C9orf85: variants seen among roughly 807,000 people sequenced by gnomAD.
C9orf85 encodes chromosome 9 open reading frame 85.
In C9orf85, 16 loss-of-function variants were observed where a neutral mutation model predicts 14.9. The ratio of observed to expected loss-of-function variants is 1.08; its 90% CI spans 0.73 to 1.63. The LOEUF (loss-of-function observed/expected upper bound fraction) is 1.63, where lower values mean the gene tolerates loss of function less well. C9orf85 is among the 40% of genes most tolerant of loss of function. The pLI is 0.00. For missense variants in C9orf85, 172 were observed against 186.1 expected, an observed-to-expected ratio of 0.92 and a Z score of 0.44; for synonymous variants, 45 against 56.8, an observed-to-expected ratio of 0.79 and a Z score of 0.93.
chr9:71,956,845 C>G (rs1211357882), intron 2 of C9orf85, among the ~76,000 whole-genome samples: 1 of 150,938 alleles, frequency 6.6e-6, no homozygotes, highest in Non-Finnish European at 1.5e-5. Context: ...CTCATATTTT[C>G]TAAAGAGAAA....
chr9:71,957,156 A>G (rs550769603), intron 2 of C9orf85, among the ~76,000 whole-genome samples: 36 of 152,320 alleles, frequency 2.4e-4, no homozygotes, highest in African/African-American at 6.7e-4. Flanking sequence ...TTAAACTAAC[A>G]TAGCAATGTG....
chr9:71,982,656 G>C lies in C9orf85; in HGVS notation c.324-1G>C, dbSNP rs138253217. On this transcript the variant is annotated splice_acceptor_variant, in intron 3 of 3. Transcript: ENST00000377031. LOFTEE classifies it high-confidence loss of function. ...TCTTTTTTTTTTTTTTTTTTTTTCAGATGGAGTCTCCCTCTGTTGCCCAGG... is the reference window on the plus strand; with the variant it reads ...TCTTTTTTTTTTTTTTTTTTTTTCACATGGAGTCTCCCTCTGTTGCCCAGG... 1 of 301,318 alleles carries C rather than the reference G, an allele frequency of 3.3e-6. No individual in the cohort carries two copies. The highest frequency in any genetic ancestry group is 6.0e-6 in the Non-Finnish European group (1 of 167,236). 18.7% of individuals were successfully genotyped at this position (301,318 alleles called of 1,614,324 possible).
At chr9:71,940,369 G>A (rs2132294087) in intron 1 of C9orf85, among the ~76,000 whole-genome samples, 1 of 152,256 alleles carries the variant, frequency 6.6e-6, no homozygotes, top group South Asian at 2.1e-4. Context: ...GGGAATTTAA[G>A]GTTGCAGTGA....
chr9:71,976,587 G>A (rs1208217872), downstream of C9orf85, among the ~76,000 whole-genome samples: 6 of 151,868 alleles, frequency 4.0e-5, no homozygotes, highest in East Asian at 1.9e-4. Flanking sequence ...GCATGAACCC[G>A]GGAGGCGGAG....
chr9:71,940,569 G>T (rs1028366845), intron 1 of C9orf85, among the ~76,000 whole-genome samples: 1 of 152,162 alleles, frequency 6.6e-6, no homozygotes, highest in Non-Finnish European at 1.5e-5. Flanking sequence ...AATGGCTAAA[G>T]TAAGAAATAA....
chr9:71,936,756 G>T (rs1363364995), intron 1 of C9orf85, among the ~76,000 whole-genome samples: 3 of 142,882 alleles, frequency 2.1e-5, no homozygotes, highest in African/African-American at 7.7e-5. Flanking sequence ...TCATACTAGA[G>T]TTCTTTGTTC....
intron 2 of C9orf85, among the ~76,000 whole-genome samples, chr9:71,949,523 G>GA (rs1227402579): frequency 6.6e-6 from 1 of 152,038 alleles, no homozygotes; most frequent in South Asian, 2.1e-4. Flanking sequence ...TGTAGAGGAG[G>GA]AAAAAAGTCC....
intron 3 of C9orf85, among the ~76,000 whole-genome samples, chr9:71,971,937 G>GCA (rs1822882108): frequency 7.2e-6 from 1 of 138,254 alleles, no homozygotes; most frequent in South Asian, 2.2e-4. Context: ...TGGTGCCACT[G>GCA]CACTCCAGCC....
intron 2 of C9orf85, among the ~76,000 whole-genome samples, chr9:71,969,383 C>A (rs1822796829): frequency 6.6e-6 from 1 of 152,068 alleles, no homozygotes; most frequent in Non-Finnish European, 1.5e-5. Context: ...CTCAAGTGAT[C>A]CACCTGCCTC....
chr9:71,981,525 C>G (rs1296629063), intron 3 of C9orf85, among the ~76,000 whole-genome samples: 2 of 152,174 alleles, frequency 1.3e-5, no homozygotes, highest in Non-Finnish European at 2.9e-5. Context: ...AGTCACTGTC[C>G]CTTGAGTGAG....
intron 2 of C9orf85, among the ~76,000 whole-genome samples, chr9:71,948,820 C>G (rs903898940): frequency 4.7e-5 from 7 of 148,506 alleles, no homozygotes; most frequent in East Asian, 2.0e-4. Flanking sequence ...CACGCCCCCC[C>G]CCCCCCCTTT....
chr9:71,977,017 C>T (rs1823015633), downstream of C9orf85, among the ~76,000 whole-genome samples: 1 of 152,090 alleles, frequency 6.6e-6, no homozygotes, highest in Non-Finnish European at 1.5e-5. Flanking sequence ...AGCATGATGT[C>T]TAGAGCTTGC....
downstream of C9orf85, chr9:71,985,809 G>C (rs945938600): frequency 6.6e-6 from 1 of 152,196 alleles, no homozygotes; most frequent in Non-Finnish European, 1.5e-5. Context: ...CAAGCCACTA[G>C]GTGTTGCTAT....
At chr9:71,945,742 A>G (rs1232068787) in intron 1 of C9orf85, among the ~76,000 whole-genome samples, 4 of 152,214 alleles carry the variant, frequency 2.6e-5, no homozygotes, top group Non-Finnish European at 4.4e-5. Flanking sequence ...CTTAATATCT[A>G]ATAGCCTCCC....
At chr9:71,924,194 T>C (rs1055788774) in intron 1 of C9orf85, among the ~76,000 whole-genome samples, 1 of 152,208 alleles carries the variant, frequency 6.6e-6, no homozygotes. Context: ...CAAGTGAACT[T>C]AGACTTTCCC....
chr9:71,961,931 G>A (rs1054011180), intron 2 of C9orf85, among the ~76,000 whole-genome samples: 8 of 152,162 alleles, frequency 5.3e-5, no homozygotes, highest in Admixed American at 1.3e-4. Context: ...TTGGGAGGCC[G>A]AGGCTGGAGG....
At position 71,969,706 on chromosome 9, in the gene C9orf85, G is replaced by A. The variant is rs549862354; in HGVS notation, c.210-1799G>A. 3.3e-5 allele frequency among the ~76,000 whole-genome samples: 5 copies of A among 152,172 alleles called. No individual in the cohort carries two copies. In the South Asian group the frequency reaches 8.3e-4, roughly 25 times the overall value. ...TTTGTTTAATATAATTTGTAATCATGTATTAAAATAAATTTCTCAAGGACT... is the reference window on the plus strand; with the variant it reads ...TTTGTTTAATATAATTTGTAATCATATATTAAAATAAATTTCTCAAGGACT... On this transcript the variant is annotated intron_variant, in intron 2 of 3. Transcript: ENST00000334731.
intron 1 of C9orf85, among the ~76,000 whole-genome samples, chr9:71,935,950 C>T (rs183701250): frequency 3.2e-4 from 48 of 151,906 alleles, no homozygotes; most frequent in African/African-American, 1.1e-3. Context: ...TCACTCCCTC[C>T]GTCTTTACTC....
At chr9:71,974,682 T>C (rs1822970904), downstream of C9orf85, among the ~76,000 whole-genome samples, 1 of 152,176 alleles carries the variant, frequency 6.6e-6, no homozygotes, top group East Asian at 1.9e-4. Flanking sequence ...CTAGCAGTGG[T>C]AGAGGGAATC....
Sources: gnomAD v4.1 joint callset for allele counts (sites outside exome capture counted in the v4.1 genomes callset) on GRCh38, gnomAD v4.1.1 for gene constraint, MANE v1.5 for transcripts, NCBI Gene and HGNC (gene_info 2026-07-23, HGNC 2026-07-21) for gene names.